Variants in EFNA4 observed in about 807,000 individuals in gnomAD.
EFNA4 encodes ephrin-A4.
Under a neutral mutation model 23.7 loss-of-function variants are expected in EFNA4, and 22 were observed. The ratio of observed to expected loss-of-function variants is 0.93; its 90% CI spans 0.66 to 1.32. The LOEUF (loss-of-function observed/expected upper bound fraction) is 1.32, where lower values mean the gene tolerates loss of function less well. Among genes scored for constraint, EFNA4 ranks in the 40% most tolerant of loss-of-function variants. The pLI, the probability that EFNA4 is intolerant of heterozygous loss-of-function variation, is 0.00. For missense variants in EFNA4, 252 were observed against 252.3 expected, an observed-to-expected ratio of 1.00 and a Z score of 0.01; for synonymous variants, 113 against 108.3, an observed-to-expected ratio of 1.04 and a Z score of -0.27.
intron 1 of EFNA4, 118 bp downstream of exon 1, chr1:155,064,054 C>G: frequency 1.4e-6 from 1 of 697,754 alleles, no homozygotes; most frequent in South Asian, 2.2e-5. Flanking sequence ...GCCGGGGCTC[C>G]TTTGTTTGAG....
chr1:155,065,585 C>G (rs553296512), intron 1 of EFNA4, among the ~76,000 whole-genome samples: 1 of 150,686 alleles, frequency 6.6e-6, no homozygotes, highest in South Asian at 2.1e-4. Context: ...CTCTGTCACC[C>G]AGGCTGTAGT....
chr1:155,064,184 G>C (rs115212960), intron 1 of EFNA4, among the ~76,000 whole-genome samples: 4,931 of 152,330 alleles, frequency 0.032, 301 homozygotes, highest in African/African-American at 0.11. Flanking sequence ...GGGTCTTGGA[G>C]CATGGAGCTG....
chr1:155,066,534 C>A (rs1165297030), intron 1 of EFNA4, among the ~76,000 whole-genome samples, 196 bp from the exon 2 acceptor site: 1 of 152,218 alleles, frequency 6.6e-6, no homozygotes, highest in African/African-American at 2.4e-5. Flanking sequence ...GTGAATCGAT[C>A]ATCTCATCCA....
In EFNA4 at chr1:155,066,791, C is replaced by T. The variant is rs752523859; in HGVS notation, c.175C>T (p.Pro59Ser). Residue 59 changes from proline (P) to serine (S), a missense_variant, in exon 2 of 4, where the codon CCC (proline) becomes TCC (serine). Pro to Ser is a moderately conservative substitution (Grantham distance 74, BLOSUM62 -1). Transcript: ENST00000368409. Reference sequence around the variant, plus strand: ...CAACGATTACCTAGACATTGTCTGCCCCCACTACGAAGGCCCAGGGCCCCC... The same window carrying T: ...CAACGATTACCTAGACATTGTCTGCTCCCACTACGAAGGCCCAGGGCCCCC... ...GLNDYLDIVC[P>S]HYEGPGPPEG... The T allele has an allele frequency of 6.2e-7, 1 of 1,612,118 alleles. No individual in the cohort carries two copies. The highest frequency in any genetic ancestry group is 2.2e-5 in the East Asian group (1 of 44,872).
chr1:155,067,321 A>G (rs768421450), intron 2 of EFNA4, 51 bp from the exon 3 acceptor site: 2 of 1,603,574 alleles, frequency 1.2e-6, no homozygotes, highest in Non-Finnish European at 1.7e-6. Flanking sequence ...TCTGAGGCAT[A>G]CAAAGGGGTG....
chr1:155,063,888 G>A lies in EFNA4; in HGVS notation c.65G>A (p.Gly22Glu), dbSNP rs1471660146. The A allele has an allele frequency of 1.9e-6, 3 of 1,568,188 alleles. No individual in the cohort carries two copies. The East Asian group carries it at 7.3e-5, about 38-fold the overall frequency. Residue 22 changes from glycine (G) to glutamate (E), a missense_variant, in exon 1 of 4, where the codon GGG becomes GAG. Physicochemically the swap from Gly to Glu is moderately conservative, Grantham distance 98. Transcript: ENST00000368409. The surrounding 1 kb of genome is among the most constrained non-coding windows in gnomAD (Gnocchi z 4.1). Reference protein sequence around the residue: ...WAAFLGSPLRGGSSLRHVVYW... With the variant: ...WAAFLGSPLREGSSLRHVVYW... ...GCGTTCCTCGGCTCCCCTCTGCGCG[G>A]GGGCTCCAGCCTCCGCCACGTAGTC...
chr1:155,066,821 G>A lies in EFNA4; in HGVS notation c.205G>A (p.Gly69Ser). 1 of 1,613,970 alleles carries A rather than the reference G, an allele frequency of 6.2e-7. No homozygotes were observed. The highest frequency in any genetic ancestry group is 8.5e-7 in the Non-Finnish European group (1 of 1,179,962). Reference protein sequence around the residue: ...PHYEGPGPPEGPETFALYMVD... With the variant: ...PHYEGPGPPESPETFALYMVD... Reference sequence around the variant, plus strand: ...CTACGAAGGCCCAGGGCCCCCTGAGGGCCCCGAGACGTTTGCTTTGTACAT... The same window carrying A: ...CTACGAAGGCCCAGGGCCCCCTGAGAGCCCCGAGACGTTTGCTTTGTACAT... Residue 69 changes from glycine to serine, a missense_variant, in exon 2 of 4, where the codon GGC becomes AGC. Gly to Ser is a moderately conservative substitution (Grantham distance 56). Coordinates refer to ENST00000368409, the MANE Select transcript of EFNA4 (RefSeq NM_005227.3).
chr1:155,069,436 A>G lies in EFNA4; in HGVS notation c.*447A>G, dbSNP rs927294280. On this transcript the variant is annotated 3_prime_UTR_variant, in exon 4 of 4. Coordinates refer to ENST00000368409, the MANE Select transcript of EFNA4 (RefSeq NM_005227.3). ...CCTTGCCCTCCCCAGGGGATCACTC[A>G]CTTGTCTTCTATGAAGACGGACTCT... is the stretch of plus-strand genomic sequence containing the variant. The G allele has an allele frequency of 1.7e-5, 8 of 459,508 alleles. No individual in the cohort carries two copies. Among genetic ancestry groups the G allele is most frequent in the Non-Finnish European group, 3.1e-5 (8 of 262,038 alleles). The allele number at this position is 459,508 out of a possible 1,614,324, so 28.5% of individuals were successfully genotyped here. A position where few individuals can be genotyped will look rare whatever the true frequency, so the allele number is the denominator to read the frequency against.
intron 1 of EFNA4, among the ~76,000 whole-genome samples, chr1:155,064,193 T>TG (rs1183557104): frequency 3.9e-5 from 6 of 152,102 alleles, no homozygotes; most frequent in African/African-American, 1.2e-4. Flanking sequence ...AGCATGGAGC[T>TG]GGGGGGGCCT....
intron 2 of EFNA4, 149 bp downstream of exon 2, chr1:155,067,165 T>A: frequency 1.7e-6 from 2 of 1,166,404 alleles, no homozygotes; most frequent in South Asian, 1.5e-5. Context: ...GGGAAATGTC[T>A]AGAAAGGAGA....
chr1:155,068,621 G>T (rs1403415460), intron 3 of EFNA4, among the ~76,000 whole-genome samples: 1 of 152,042 alleles, frequency 6.6e-6, no homozygotes, highest in East Asian at 1.9e-4. Context: ...AGAACAGGGT[G>T]TCCAGGGGCA....
At chr1:155,067,095 A>C in intron 2 of EFNA4, 79 bp downstream of exon 2, 1 of 1,499,598 alleles carries the variant, frequency 6.7e-7, no homozygotes, top group Non-Finnish European at 9.0e-7. Flanking sequence ...TGGAAGGAGG[A>C]GGGGGCTGGG....
chr1:155,068,427 ATTTTTTT>A (rs71077978), intron 3 of EFNA4, among the ~76,000 whole-genome samples: 9 of 25,378 alleles, frequency 3.5e-4, no homozygotes, highest in East Asian at 1.4e-3. Context: ...CACCCAGCTG[ATTTTTTT>A]TTTTTTTTTT....
intron 3 of EFNA4, 90 bp from the exon 4 acceptor site, chr1:155,068,763 A>G (rs1354265064): frequency 6.6e-6 from 9 of 1,361,448 alleles, no homozygotes; most frequent in Middle Eastern, 5.1e-4. Context: ...ACCCTGGAGG[A>G]TGGGAAAGGA....
chr1:155,063,740 C>T lies in EFNA4; in HGVS notation c.-84C>T, dbSNP rs1571648074. 2 of 1,261,700 alleles carry T rather than the reference C, an allele frequency of 1.6e-6. No individual in the cohort carries two copies. Among genetic ancestry groups the T allele is most frequent in the Non-Finnish European group, 1.1e-6 (1 of 947,114 alleles). The allele number at this position is 1,261,700 out of a possible 1,614,324, so 78.2% of individuals were successfully genotyped here. On this transcript the variant is annotated 5_prime_UTR_variant, in exon 1 of 4. Coordinates refer to ENST00000368409, the MANE Select transcript of EFNA4 (RefSeq NM_005227.3). This position sits in a 1 kb window ranked among gnomAD's most constrained non-coding sequence, Gnocchi z 4.1. The stretch of plus-strand genomic sequence containing the variant: ...TACCCCACTCCCCTTTCCGCAACTT[C>T]CCTCTTCACTTTGTACCTTTCTCTC...
At chr1:155,064,007 C>A (rs1571649078) in intron 1 of EFNA4, 71 bp downstream of exon 1, 2 of 1,335,168 alleles carry the variant, frequency 1.5e-6, no homozygotes, top group Admixed American at 3.3e-5. Context: ...CGCCCGCCAC[C>A]CGCTCTTTGC....
chr1:155,066,599 T>A, intron 1 of EFNA4, 131 bp from the exon 2 acceptor site: 2 of 1,153,006 alleles, frequency 1.7e-6, no homozygotes, highest in Non-Finnish European at 2.4e-6. Context: ...CCTCGGGCCT[T>A]CCTGAGCTGC....
At chr1:155,064,968 T>A (rs1005485567) in intron 1 of EFNA4, among the ~76,000 whole-genome samples, 3 of 152,236 alleles carry the variant, frequency 2.0e-5, no homozygotes, top group African/African-American at 7.2e-5. Context: ...GAGCTTTTGT[T>A]GTCCTTGGAC....
At chr1:155,066,461 C>T (rs1402227440) in intron 1 of EFNA4, among the ~76,000 whole-genome samples, 2 of 152,210 alleles carry the variant, frequency 1.3e-5, no homozygotes, top group Non-Finnish European at 2.9e-5. Flanking sequence ...GGTGTGGTGA[C>T]CCTCCTTCTC....
Sources: gnomAD v4.1 joint callset for allele counts (sites outside exome capture counted in the v4.1 genomes callset) on GRCh38, gnomAD v4.1.1 for gene constraint, Gnocchi (gnomAD v3.1) non-coding constraint, MANE v1.5 for transcripts, NCBI Gene and HGNC (gene_info 2026-07-23, HGNC 2026-07-21) for gene names.